Variants in THSD7A observed in about 807,000 individuals in gnomAD.
THSD7A encodes thrombospondin type-1 domain-containing protein 7A.
Under a neutral mutation model 231.3 loss-of-function variants are expected in THSD7A, and 96 were observed. The ratio of observed to expected loss-of-function variants is 0.41; its 90% confidence interval spans 0.35 to 0.49. The LOEUF (loss-of-function observed/expected upper bound fraction) is 0.49, where lower values mean the gene tolerates loss of function less well. THSD7A is among the 20% of genes least tolerant of loss of function. The pLI, the probability that THSD7A is intolerant of heterozygous loss-of-function variation, is 0.05. For missense variants in THSD7A, 2,290 were observed against 2,070.2 expected (o/e 1.11, Z -2.06); for synonymous variants, 940 against 743.3 (o/e 1.26, Z -4.30).
chr7:11,422,508 T>C (rs962503760), intron 16 of THSD7A, among the ~76,000 whole-genome samples: 1 of 151,690 alleles, frequency 6.6e-6, no homozygotes, highest in African/African-American at 2.4e-5. Flanking sequence ...TCTATTTGCA[T>C]TGAAGTTGTT....
chr7:11,579,563 A>G (rs1791067171), intron 4 of THSD7A, among the ~76,000 whole-genome samples: 1 of 152,164 alleles, frequency 6.6e-6, no homozygotes, highest in African/African-American at 2.4e-5. Flanking sequence ...TCATTAATGG[A>G]AGGTCTGTAT....
At chr7:11,488,994 T>G (rs1786779409) in intron 6 of THSD7A, among the ~76,000 whole-genome samples, 1 of 152,142 alleles carries the variant, frequency 6.6e-6, no homozygotes, top group Non-Finnish European at 1.5e-5. Flanking sequence ...GATGGAGTTG[T>G]GCTCTGCCCT....
At chr7:11,412,886 A>G in intron 17 of THSD7A, 86 bp from the exon 18 acceptor site, 1 of 1,476,024 alleles carries the variant, frequency 6.8e-7, no homozygotes, top group Non-Finnish European at 9.2e-7. Flanking sequence ...AGCAGGAGTT[A>G]GAACATTTGG....
intron 1 of THSD7A, among the ~76,000 whole-genome samples, chr7:11,816,153 G>A (rs1051191505): frequency 2.6e-5 from 4 of 152,064 alleles, no homozygotes; most frequent in Non-Finnish European, 5.9e-5. Flanking sequence ...ATTTACACAG[G>A]ATAGAGAACT....
At chr7:11,545,971 G>A (rs1443655431) in intron 4 of THSD7A, among the ~76,000 whole-genome samples, 1 of 152,078 alleles carries the variant, frequency 6.6e-6, no homozygotes, top group East Asian at 1.9e-4. Context: ...CTATCTTCCA[G>A]CCCGTCCCAG....
rs2128360890 is a variant in THSD7A at position 11,637,036 on chromosome 7, C to T, written c.191-75G>A. 1 of 1,328,246 alleles carries T rather than the reference C, an allele frequency of 7.5e-7. No individual in the cohort carries two copies. The highest frequency in any genetic ancestry group is 2.3e-5 in the East Asian group (1 of 43,272). The allele number at this position is 1,328,246 out of a possible 1,614,324, so 82.3% of individuals were successfully genotyped here. A position where few individuals can be genotyped will look rare whatever the true frequency, so the allele number is the denominator to read the frequency against. ...CAAGTTACTGCACATTCCAGAAAGA[C>T]CTTTCAAGACCTAGTACATTAACTT... On this transcript the variant is annotated intron_variant, in intron 1 of 27. Transcript: ENST00000423059. The surrounding 1 kb of genome is among the most constrained non-coding windows in gnomAD (Gnocchi z 4.2).
At chr7:11,536,330 G>C (rs543280077) in intron 6 of THSD7A, among the ~76,000 whole-genome samples, 68 of 152,160 alleles carry the variant, frequency 4.5e-4, no homozygotes, top group African/African-American at 1.6e-3. Flanking sequence ...GGGTAGTGTT[G>C]CTGGCCAGTT....
chr7:11,424,220 T>C (rs1784243939), intron 16 of THSD7A, among the ~76,000 whole-genome samples: 1 of 151,894 alleles, frequency 6.6e-6, no homozygotes, highest in African/African-American at 2.4e-5. Flanking sequence ...TTAGTGTGGC[T>C]AGTGGCTATC....
At position 11,373,723 on chromosome 7, in the gene THSD7A, A is replaced by G. The variant is rs560580607; in HGVS notation, c.*2071T>C. The stretch of plus-strand genomic sequence containing the variant: ...CTTTTGTAATCTTTGCAAATACTCT[A>G]ATGAACAGCAGGGGGAGTTCATACT... On this transcript the variant is annotated 3_prime_UTR_variant, in exon 28 of 28. Coordinates refer to ENST00000423059, the MANE Select transcript of THSD7A (RefSeq NM_015204.3). The G allele has an allele frequency of 1.1e-4, 17 of 152,142 alleles. No homozygotes were observed. The highest frequency in any genetic ancestry group is 4.1e-4 in the African/African-American group (17 of 41,542). 9.4% of individuals were successfully genotyped at this position (152,142 alleles called of 1,614,324 possible). A position where few individuals can be genotyped will look rare whatever the true frequency, so the allele number is the denominator to read the frequency against.
intron 1 of THSD7A, among the ~76,000 whole-genome samples, chr7:11,759,145 G>C (rs1361293665): frequency 1.3e-5 from 2 of 152,042 alleles, no homozygotes; most frequent in Admixed American, 1.3e-4. Context: ...GAGCAACCAT[G>C]AGTGAAAGTC....
intron 13 of THSD7A, among the ~76,000 whole-genome samples, chr7:11,442,081 TTTACTGCAGA>T (rs1784824733): frequency 6.6e-6 from 1 of 152,080 alleles, no homozygotes; most frequent in African/African-American, 2.4e-5. Context: ...GTATTATGTT[TTTACTGCAGA>T]TATGCCATAA....
intron 14 of THSD7A, among the ~76,000 whole-genome samples, chr7:11,427,634 C>T (rs1278018049): frequency 2.6e-5 from 4 of 152,082 alleles, no homozygotes; most frequent in African/African-American, 9.7e-5. Flanking sequence ...TGTAGAATTT[C>T]TCTTTATTAG....
intron 4 of THSD7A, among the ~76,000 whole-genome samples, chr7:11,588,125 G>A (rs536026493): frequency 6.6e-6 from 1 of 152,226 alleles, no homozygotes; most frequent in African/African-American, 2.4e-5. Context: ...TCTTTTATAA[G>A]ATAAGCTTTA....
chr7:11,445,213 G>T (rs1035460801), intron 13 of THSD7A, among the ~76,000 whole-genome samples: 1 of 151,992 alleles, frequency 6.6e-6, no homozygotes. Flanking sequence ...TATCAAGTAA[G>T]TAAGAGATCA....
Position 11,372,582 on chromosome 7 carries a change from T to C in THSD7A, c.*3212A>G, listed in dbSNP as rs188187761. The C allele has an allele frequency of 1.9e-4, 29 of 152,246 alleles. No individual in the cohort carries two copies. Among genetic ancestry groups the C allele is most frequent in the African/African-American group, 7.0e-4 (29 of 41,558 alleles). The allele number at this position is 152,246 out of a possible 1,614,324, so 9.4% of individuals were successfully genotyped here. On this transcript the variant is annotated 3_prime_UTR_variant, in exon 28 of 28. Coordinates refer to ENST00000423059, the MANE Select transcript of THSD7A (RefSeq NM_015204.3). Reference sequence around the variant, plus strand: ...GCCCCTTTCAAAAGAGATCAGTTAGTCCTATTCTACGTGGTTTCTAGTGAA... The same window carrying C: ...GCCCCTTTCAAAAGAGATCAGTTAGCCCTATTCTACGTGGTTTCTAGTGAA...
rs1471579253 is a variant in THSD7A, at chr7:11,468,770, G to T, written c.2368+1109C>A. Among the ~76,000 whole-genome samples the T allele has an allele frequency of 2.0e-5, 3 of 152,112 alleles. No individual in the cohort carries two copies. In the East Asian group the frequency reaches 5.8e-4, roughly 29 times the overall value. ...AATTGCTTGAACCCAGGAGGCTGAG[G>T]TTGCAATGGGCCGAAATTGAGCCAC... On this transcript the variant is annotated intron_variant, in intron 9 of 27. Coordinates refer to ENST00000423059, the MANE Select transcript of THSD7A (RefSeq NM_015204.3).
intron 1 of THSD7A, among the ~76,000 whole-genome samples, chr7:11,819,952 T>G (rs545051001): frequency 7.2e-5 from 11 of 152,312 alleles, no homozygotes; most frequent in Admixed American, 5.9e-4. Flanking sequence ...CTTAACTTTC[T>G]GTAAGTCTAA....
chr7:11,477,189 CTT>C (rs1786226013), intron 7 of THSD7A, among the ~76,000 whole-genome samples: 1 of 152,186 alleles, frequency 6.6e-6, no homozygotes, highest in African/African-American at 2.4e-5. Context: ...AGATGTCACA[CTT>C]TGTTAGTCTC....
rs1783821926 is a variant in THSD7A, at chr7:11,412,583, T to C, written c.3682+73A>G. ...GCACACAGGTAGAGATGAACTATAC[T>C]GACAGGAATGCTTCAGAGCTGACAG... is the stretch of plus-strand genomic sequence containing the variant. On this transcript the variant is annotated intron_variant, in intron 18 of 27. Transcript: ENST00000423059. 3.2e-6 allele frequency: 5 copies of C among 1,568,648 alleles called. No homozygotes were observed. In the African/African-American group the frequency reaches 4.1e-5, roughly 13 times the overall value.
Sources: allele counts gnomAD v4.1 joint callset (sites outside exome capture counted in the v4.1 genomes callset), GRCh38; gene constraint gnomAD v4.1.1; non-coding constraint Gnocchi (gnomAD v3.1); transcripts MANE v1.5; gene names NCBI Gene and HGNC (gene_info 2026-07-23, HGNC 2026-07-21).